The following CNNM2 variants were observed in gnomAD, a reference collection of about 807,000 sequenced individuals.
CNNM2 encodes the protein metal transporter CNNM2.
CNNM2 carries 12 observed loss-of-function variants against 66.9 expected under a neutral mutation model. The ratio of observed to expected loss-of-function variants is 0.18; its 90% CI spans 0.11 to 0.29. The LOEUF (loss-of-function observed/expected upper bound fraction) is 0.29, where lower values mean the gene tolerates loss of function less well. CNNM2 is among the 10% of genes least tolerant of loss of function. CNNM2 has a pLI of 1.00. For synonymous variants in CNNM2, 557 were observed against 501.8 expected, an observed-to-expected ratio of 1.11 and a Z score of -1.47; for missense variants, 705 against 1,167.7, an observed-to-expected ratio of 0.60 and a Z score of 5.77.
At chr10:103,048,940 C>T (rs760610774) in intron 1 of CNNM2, among the ~76,000 whole-genome samples, 5 of 151,986 alleles carry the variant, frequency 3.3e-5, no homozygotes, top group Non-Finnish European at 5.9e-5. Context: ...ACTGCAGCCT[C>T]GAACTCCTGG....
intron 3 of CNNM2, among the ~76,000 whole-genome samples, chr10:103,055,651 T>A (rs895117575): frequency 6.6e-6 from 1 of 152,254 alleles, no homozygotes; most frequent in African/African-American, 2.4e-5. Flanking sequence ...ATTCCTGTAA[T>A]TACTATCTTA....
intron 1 of CNNM2, among the ~76,000 whole-genome samples, chr10:103,032,603 C>T (rs1354986831): frequency 6.7e-6 from 1 of 149,396 alleles, no homozygotes; most frequent in Admixed American, 6.7e-5. Flanking sequence ...TGGGAACATA[C>T]TATAATATTC....
At position 103,003,946 on chromosome 10, in the gene CNNM2, C is replaced by G. The variant is rs984223780; in HGVS notation, c.1622-45761C>G. Among the ~76,000 whole-genome samples the G allele has an allele frequency of 2.7e-5, 4 of 147,628 alleles. No individual in the cohort carries two copies. In the East Asian group the frequency reaches 5.9e-4, roughly 22 times the overall value. The stretch of plus-strand genomic sequence containing the variant: ...TTATATTTGTGAGTTGTATTGTAGA[C>G]TGTGCATTCTCATTGCTGAGTAGTA... On this transcript the variant is annotated intron_variant, in intron 1 of 7. Transcript: ENST00000369878.
Position 103,054,210 on chromosome 10 carries a change from G to A in CNNM2, c.1766-119G>A, listed in dbSNP as rs894251750. ...TCCCCGTGGCATCTGTGCATAGAGC[G>A]CCTGCATCTGGAAATACAGTCCAGC... is the stretch of plus-strand genomic sequence containing the variant. On this transcript the variant is annotated intron_variant, in intron 2 of 7. Transcript: ENST00000369878. This position sits in a 1 kb window ranked among gnomAD's most constrained non-coding sequence, Gnocchi z 5.2. The A allele has an allele frequency of 3.5e-5, 40 of 1,129,096 alleles. No homozygotes were observed. Among genetic ancestry groups the A allele is most frequent in the African/African-American group, 4.7e-5 (3 of 63,846 alleles). 69.9% of individuals were successfully genotyped at this position (1,129,096 alleles called of 1,614,324 possible). A position where few individuals can be genotyped will look rare whatever the true frequency, so the allele number is the denominator to read the frequency against.
Position 102,918,975 on chromosome 10 carries a change from C to T in CNNM2, c.495C>T (p.Leu165=), listed in dbSNP as rs1411826769. The stretch of plus-strand genomic sequence containing the variant: ...TCATCATCTTGCCCCACATCATTCT[C>T]AACCGCCGCACCTCGGGCATCATCG... ...SDIIILPHII[L]NRRTSGIIEI... Residue 165 remains leucine (L), a synonymous_variant, in exon 1 of 8, where the codon CTC becomes CTT. Transcript: ENST00000369878. This position sits in a 1 kb window ranked among gnomAD's most constrained non-coding sequence, Gnocchi z 4.1. The T allele has an allele frequency of 1.2e-6, 2 of 1,612,610 alleles. No homozygotes were observed. The highest frequency in any genetic ancestry group is 1.7e-5 in the Admixed American group (1 of 60,004).
intron 1 of CNNM2, among the ~76,000 whole-genome samples, chr10:102,978,729 G>A (rs1450007015): frequency 6.6e-6 from 1 of 152,138 alleles, no homozygotes; most frequent in Non-Finnish European, 1.5e-5. Flanking sequence ...TGTGACCAGC[G>A]CCCAGAGCAA....
At chr10:102,964,746 AC>A (rs2063434615) in intron 1 of CNNM2, among the ~76,000 whole-genome samples, 1 of 151,920 alleles carries the variant, frequency 6.6e-6, no homozygotes, top group Non-Finnish European at 1.5e-5. Context: ...TCTTTAAAAC[AC>A]CTCCTAGGAT....
Position 102,949,417 on chromosome 10 carries a change from C to T in CNNM2, c.1621+29316C>T, listed in dbSNP as rs181824603. 1.2e-3 allele frequency among the ~76,000 whole-genome samples: 179 copies of T among 151,720 alleles called. 1 individual carries two copies. Among genetic ancestry groups the T allele is most frequent in the Non-Finnish European group, 1.8e-3 (123 of 67,926 alleles). On this transcript the variant is annotated intron_variant, in intron 1 of 7. Transcript: ENST00000369878. ...CTTGAACTCCCGACCTCAGGTAATC[C>T]GCCTGCCTCAGCCTCCCAAAGTGCT... is the stretch of plus-strand genomic sequence containing the variant.
chr10:102,961,182 A>G (rs2063373954), intron 1 of CNNM2, among the ~76,000 whole-genome samples: 1 of 152,206 alleles, frequency 6.6e-6, no homozygotes, highest in Admixed American at 6.5e-5. Context: ...CTGGTTCAAC[A>G]GAATTTTAAA....
intron 4 of CNNM2, 122 bp from the exon 5 acceptor site, chr10:103,068,507 C>G: frequency 1.3e-6 from 1 of 794,268 alleles, no homozygotes; most frequent in Non-Finnish European, 2.2e-6. Flanking sequence ...TGAAGCTTTA[C>G]TCCCTCGATA....
chr10:102,955,970 G>T (rs1389736198), intron 1 of CNNM2, among the ~76,000 whole-genome samples: 1 of 151,920 alleles, frequency 6.6e-6, no homozygotes, highest in Non-Finnish European at 1.5e-5. Flanking sequence ...TGACCAACAT[G>T]GTGAAACCCC....
chr10:102,972,595 C>T (rs916707729), intron 1 of CNNM2, among the ~76,000 whole-genome samples: 7 of 152,162 alleles, frequency 4.6e-5, no homozygotes, highest in African/African-American at 1.7e-4. Flanking sequence ...GAGATCGCGC[C>T]TCTGCACTCC....
chr10:102,993,145 G>A (rs1341149721), intron 1 of CNNM2, among the ~76,000 whole-genome samples: 1 of 152,142 alleles, frequency 6.6e-6, no homozygotes, highest in Admixed American at 6.5e-5. Context: ...ATGATGCATG[G>A]TCTCCTTTGA....
intron 1 of CNNM2, among the ~76,000 whole-genome samples, chr10:102,987,639 A>T (rs975062227): frequency 4.0e-5 from 6 of 151,346 alleles, no homozygotes; most frequent in Admixed American, 1.3e-4. Context: ...TTTTATATGG[A>T]TTTCATGATG....
chr10:102,925,789 A>T (rs1432168938), intron 1 of CNNM2, among the ~76,000 whole-genome samples: 2 of 152,224 alleles, frequency 1.3e-5, no homozygotes, highest in Non-Finnish European at 2.9e-5. Flanking sequence ...TATATAGAAA[A>T]TAAGTCCAAG....
At chr10:103,038,453 C>T (rs530490881) in intron 1 of CNNM2, among the ~76,000 whole-genome samples, 1 of 152,302 alleles carries the variant, frequency 6.6e-6, no homozygotes, top group Admixed American at 6.5e-5. Flanking sequence ...TAGAGGGTGA[C>T]CACCTCAGTG....
intron 1 of CNNM2, among the ~76,000 whole-genome samples, chr10:102,942,940 G>A (rs557187323): frequency 7.7e-4 from 117 of 152,264 alleles, no homozygotes; most frequent in African/African-American, 1.8e-3. Flanking sequence ...GTCCAGGCGC[G>A]CCTGGATCAC....
intron 1 of CNNM2, among the ~76,000 whole-genome samples, chr10:102,971,996 A>G (rs539930786): frequency 2.0e-5 from 3 of 152,232 alleles, no homozygotes; most frequent in South Asian, 4.1e-4. Context: ...AGATCTTTAT[A>G]TATTATAAAC....
chr10:103,049,747 G>A lies in CNNM2; in HGVS notation c.1662G>A (p.Glu554=). ...HLAIVQRVNN[E]GEGDPFYEVL... ...CTATCGTGCAGCGGGTAAACAATGA[G>A]GGAGAAGGGGATCCATTTTATGAAG... The change falls in exon 2 of 8, where the codon GAG becomes GAA. Residue 554 remains glutamate, a synonymous_variant. Coordinates refer to ENST00000369878, the MANE Select transcript of CNNM2 (RefSeq NM_017649.5). The A allele has an allele frequency of 6.2e-7, 1 of 1,613,932 alleles. No homozygotes were observed. The highest frequency in any genetic ancestry group is 8.5e-7 in the Non-Finnish European group (1 of 1,179,822).
Sources: gnomAD v4.1 joint callset for allele counts (sites outside exome capture counted in the v4.1 genomes callset) on GRCh38, gnomAD v4.1.1 for gene constraint, Gnocchi (gnomAD v3.1) non-coding constraint, MANE v1.5 for transcripts, NCBI Gene and HGNC (gene_info 2026-07-23, HGNC 2026-07-21) for gene names.